LMLN: variants seen among roughly 807,000 people sequenced by gnomAD.
The protein encoded by LMLN is leishmanolysin-like peptidase.
A neutral mutation model predicts 92.3 loss-of-function variants in LMLN; 70 were observed. The ratio of observed to expected loss-of-function variants is 0.76; its 90% CI spans 0.63 to 0.92. The LOEUF is 0.92. Among genes scored for constraint, LMLN ranks in the 40% least tolerant of loss-of-function variants. LMLN has a pLI of 0.00. For missense variants in LMLN, 691 were observed against 814.6 expected (o/e 0.85, Z 1.85); for synonymous variants, 308 against 296.2 (o/e 1.04, Z -0.41).
chr3:198,031,442 T>C lies in LMLN; in HGVS notation c.1657-4391T>C, dbSNP rs947937951. On this transcript the variant is annotated intron_variant, in intron 14 of 15. Coordinates refer to ENST00000330198, the Ensembl canonical transcript of LMLN. The surrounding 1 kb of genome is among the most constrained non-coding windows in gnomAD (Gnocchi z 4.8). ...GCTGGGTCTGCTGTGTTGAAGTCCC[T>C]TTAGCTGGAAACCTTTGTGCCAAAA... Among the ~76,000 whole-genome samples the C allele has an allele frequency of 6.6e-6, 1 of 152,198 alleles. No individual in the cohort carries two copies. Among genetic ancestry groups the C allele is most frequent in the Non-Finnish European group, 1.5e-5 (1 of 68,020 alleles).
intron 1 of LMLN, among the ~76,000 whole-genome samples, chr3:197,961,398 A>G (rs1307395805): frequency 6.6e-6 from 1 of 152,228 alleles, no homozygotes; most frequent in African/African-American, 2.4e-5. Context: ...AAAGACACTC[A>G]TTTTTATGGT....
At chr3:197,978,163 A>G (rs1310042872) in intron 5 of LMLN, among the ~76,000 whole-genome samples, 1 of 152,084 alleles carries the variant, frequency 6.6e-6, no homozygotes, top group Non-Finnish European at 1.5e-5. Context: ...TTAAATCTGG[A>G]TACATATAAA....
At chr3:197,985,282 G>T (rs577956306) in intron 7 of LMLN, among the ~76,000 whole-genome samples, 1 of 151,812 alleles carries the variant, frequency 6.6e-6, no homozygotes, top group African/African-American at 2.4e-5. Flanking sequence ...GGCCGGGCGC[G>T]GTGGCTCTCG....
At chr3:197,968,123 G>C (rs1038272586) in intron 1 of LMLN, among the ~76,000 whole-genome samples, 5 of 152,158 alleles carry the variant, frequency 3.3e-5, no homozygotes, top group African/African-American at 1.2e-4. Context: ...TACATCCTCA[G>C]CTTAGGAAGA....
chr3:198,035,011 A>G lies in LMLN; in HGVS notation c.1657-822A>G, dbSNP rs1338718643. Among the ~76,000 whole-genome samples, 6 of 152,108 alleles carry G rather than the reference A, an allele frequency of 3.9e-5. No homozygotes were observed. In the East Asian group the frequency reaches 7.7e-4, roughly 20 times the overall value. ...GGAGTTCGAGACCAGCCTAGGCAAC[A>G]TGACAAAACCCAAACCCCATCTCTA... On this transcript the variant is annotated intron_variant, in intron 14 of 15. Coordinates refer to ENST00000330198, the Ensembl canonical transcript of LMLN.
intron 13 of LMLN, among the ~76,000 whole-genome samples, chr3:198,023,180 T>TTTATTATTATTA (rs60913650): frequency 6.7e-6 from 1 of 150,194 alleles, no homozygotes; most frequent in Non-Finnish European, 1.5e-5. Flanking sequence ...TGAATTCTGT[T>TTTATTATTATTA]TTATTATTAT....
intron 10 of LMLN, among the ~76,000 whole-genome samples, chr3:197,996,938 C>T (rs1722036017): frequency 6.6e-6 from 1 of 152,102 alleles, no homozygotes. Flanking sequence ...AACACCACTG[C>T]ACCCAGCCTA....
Position 198,019,431 on chromosome 3 carries a change from G to A in LMLN, c.1365+46G>A. 1.3e-6 allele frequency: 2 copies of A among 1,547,484 alleles called. No homozygotes were observed. The highest frequency in any genetic ancestry group is 8.7e-7 in the Non-Finnish European group (1 of 1,146,916). On this transcript the variant is annotated intron_variant, in intron 12 of 15. Transcript: ENST00000330198. This position sits in a 1 kb window ranked among gnomAD's most constrained non-coding sequence, Gnocchi z 5.5. ...AGTTTCAGGAATCAGCTTTTCAAAA[G>A]TAGTCTCCATTTTAACTAAAAGAGT...
At chr3:198,020,112 C>T (rs531298579) in intron 12 of LMLN, among the ~76,000 whole-genome samples, 43 of 152,282 alleles carry the variant, frequency 2.8e-4, no homozygotes, top group Non-Finnish European at 5.4e-4. Context: ...CCATCTGCCT[C>T]GGCCTCCCAA....
rs556633208 is a variant in LMLN at position 197,972,643 on chromosome 3, T to C, written c.220-1734T>C. ...TCATTGCTGCTGATTTTTTATTAAA[T>C]AATGGACACCATAGATAATATATTG... On this transcript the variant is annotated intron_variant, in intron 1 of 15. Transcript: ENST00000330198. Among the ~76,000 whole-genome samples, 22 of 152,316 alleles carry C rather than the reference T, an allele frequency of 1.4e-4. 1 individual carries two copies. The South Asian group carries it at 4.6e-3, about 32-fold the overall frequency.
At chr3:197,984,076 T>C (rs1267252883) in intron 7 of LMLN, 28 bp downstream of exon 7, 1 of 1,406,450 alleles carries the variant, frequency 7.1e-7, no homozygotes, top group East Asian at 2.3e-5. Flanking sequence ...TGTTCTTTCC[T>C]TCATGCCTTG....
intron 1 of LMLN, among the ~76,000 whole-genome samples, chr3:197,967,278 A>G (rs980879230): frequency 1.1e-4 from 16 of 152,098 alleles, no homozygotes; most frequent in African/African-American, 3.4e-4. Context: ...GGTTCTTTCT[A>G]TTTTCCCTAA....
intron 11 of LMLN, among the ~76,000 whole-genome samples, chr3:198,017,888 G>C (rs1252253148): frequency 6.6e-6 from 1 of 152,176 alleles, no homozygotes; most frequent in East Asian, 1.9e-4. Flanking sequence ...CTGCACTCCA[G>C]CCTGGCGACA....
intron 3 of LMLN, among the ~76,000 whole-genome samples, chr3:197,975,303 A>C (rs1232713034): frequency 6.6e-6 from 1 of 152,066 alleles, no homozygotes; most frequent in African/African-American, 2.4e-5. Flanking sequence ...CAGTTTTCTC[A>C]TTTTTCTGCT....
intron 9 of LMLN, among the ~76,000 whole-genome samples, chr3:197,993,257 C>T (rs1212171438): frequency 1.3e-5 from 2 of 152,018 alleles, no homozygotes; most frequent in East Asian, 1.9e-4. Flanking sequence ...TGGAAGTCAT[C>T]GCAAGAGCAG....
exon 7 of LMLN, chr3:197,983,992 C>A: frequency 6.2e-7 from 1 of 1,613,790 alleles, no homozygotes; most frequent in Non-Finnish European, 8.5e-7. Flanking sequence ...CTCTACCCAG[C>A]CTCAGGAGTT....
chr3:197,999,235 AG>A (rs1338806619), intron 10 of LMLN, 30 bp from the exon 11 acceptor site: 1 of 1,481,996 alleles, frequency 6.7e-7, no homozygotes, highest in Non-Finnish European at 9.4e-7. Flanking sequence ...CAGAGAATCT[AG>A]TCTAATTAAA....
chr3:197,999,200 G>A (rs1424086467), intron 10 of LMLN, 66 bp from the exon 11 acceptor site: 5 of 1,099,382 alleles, frequency 4.5e-6, no homozygotes, highest in South Asian at 2.5e-5. Flanking sequence ...TATATCAGAG[G>A]AATTGCAGAA....
chr3:198,029,144 C>G (rs779543368), intron 14 of LMLN, among the ~76,000 whole-genome samples: 1 of 152,184 alleles, frequency 6.6e-6, no homozygotes, highest in Non-Finnish European at 1.5e-5. Context: ...ACTCTCTGTT[C>G]TATAAAGACG....
Sources: gnomAD v4.1 joint callset for allele counts (sites outside exome capture counted in the v4.1 genomes callset) on GRCh38, gnomAD v4.1.1 for gene constraint, Gnocchi (gnomAD v3.1) non-coding constraint, MANE v1.5 for transcripts, NCBI Gene and HGNC (gene_info 2026-07-23, HGNC 2026-07-21) for gene names.